Variants in ACSF3 observed in about 807,000 individuals in gnomAD.
ACSF3 encodes the protein acyl-CoA synthetase family member 3, also known as malonate--CoA ligase ACSF3, mitochondrial.
A neutral mutation model predicts 53.2 loss-of-function variants in ACSF3; 78 were observed. The observed-to-expected ratio is 1.47, with a 90% CI of 1.22 to 1.77. The LOEUF (loss-of-function observed/expected upper bound fraction) is 1.77. Ranked by LOEUF, ACSF3 falls within the 40% of genes most tolerant of loss-of-function variation. The pLI, the probability that ACSF3 is intolerant of heterozygous loss-of-function variation, is 0.00. For missense variants in ACSF3, 937 were observed against 771.1 expected, an observed-to-expected ratio of 1.22 and a Z score of -2.55; for synonymous variants, 414 against 333.1, an observed-to-expected ratio of 1.24 and a Z score of -2.65.
intron 7 of ACSF3, chr16:89,122,662 A>G: frequency 5.8e-6 from 1 of 172,698 alleles, no homozygotes; most frequent in Non-Finnish European, 1.3e-5. Context: ...TGGCGTGTGG[A>G]GGAGTGAGAC....
intron 4 of ACSF3, among the ~76,000 whole-genome samples, chr16:89,103,287 C>T (rs954264521): frequency 1.3e-5 from 2 of 152,204 alleles, no homozygotes; most frequent in African/African-American, 4.8e-5. Context: ...TAAAATAATG[C>T]GAGTTTGTTC....
chr16:89,145,443 G>C (rs375660693), intron 9 of ACSF3, 42 bp downstream of exon 9: 20 of 1,610,648 alleles, frequency 1.2e-5, no homozygotes, highest in Non-Finnish European at 1.5e-5. Context: ...GGCTAGACGG[G>C]TGCTGCCTTC....
chr16:89,124,854 A>G (rs149306044), intron 7 of ACSF3, among the ~76,000 whole-genome samples: 1 of 152,354 alleles, frequency 6.6e-6, no homozygotes, highest in Non-Finnish European at 1.5e-5. Flanking sequence ...CACTTTGCCA[A>G]AGATTAATTG....
intron 8 of ACSF3, chr16:89,141,216 G>A (rs752313784): frequency 1.2e-5 from 15 of 1,287,102 alleles, no homozygotes; most frequent in Non-Finnish European, 1.3e-5. Flanking sequence ...TGATAGCAGC[G>A]TCCCAGCCTG....
chr16:89,114,624 A>G, intron 6 of ACSF3, 137 bp downstream of exon 6: 1 of 1,299,886 alleles, frequency 7.7e-7, no homozygotes, highest in East Asian at 2.5e-5. Flanking sequence ...CCACTCGGCC[A>G]GGAGAGCACT....
chr16:89,137,234 C>T (rs955009704), intron 8 of ACSF3, among the ~76,000 whole-genome samples: 1 of 151,940 alleles, frequency 6.6e-6, no homozygotes, highest in Admixed American at 6.6e-5. Flanking sequence ...CCAGGGATCC[C>T]GGGAGGACCA....
chr16:89,114,874 G>A (rs1597957515), intron 6 of ACSF3: 1 of 353,758 alleles, frequency 2.8e-6, no homozygotes, highest in East Asian at 7.3e-5. Flanking sequence ...GAGTCCGGGT[G>A]CCACACAGCG....
chr16:89,100,860 T>G lies in ACSF3; in HGVS notation c.179T>G (p.Val60Gly), dbSNP rs780402535. 13 of 1,613,624 alleles carry G rather than the reference T, an allele frequency of 8.1e-6. No homozygotes were observed. Among genetic ancestry groups the G allele is most frequent in the South Asian group, 1.1e-5 (1 of 91,082 alleles). The stretch of plus-strand genomic sequence containing the variant: ...GCCTTTGGGGACAGAATCGCCCTGG[T>G]TGACCAGCACGGCCGCCACACGTAC... ...ALAFGDRIAL[V>G]DQHGRHTYRE... is the part of the protein sequence containing the mutation. The change falls in exon 3 of 11, where the codon GTT becomes GGT. Residue 60 changes from valine to glycine, a missense_variant. Coordinates refer to ENST00000614302, the MANE Select transcript of ACSF3 (RefSeq NM_001243279.3).
intron 7 of ACSF3, among the ~76,000 whole-genome samples, chr16:89,126,943 C>G (rs893018284): frequency 6.6e-6 from 1 of 152,118 alleles, no homozygotes; most frequent in African/African-American, 2.4e-5. Context: ...TGTGCTTAGA[C>G]TTTTTATCAC....
rs575745336 is a variant in ACSF3, at chr16:89,119,018, G to A, written c.1127-1783G>A. Among the ~76,000 whole-genome samples the A allele has an allele frequency of 7.9e-5, 12 of 152,228 alleles. 1 individual carries two copies. The highest frequency in any genetic ancestry group is 4.1e-4 in the South Asian group (2 of 4,824). ...GGGGACCCCTCCCTCGAGCTCTCACGGGTGGCACCTGGAGTGTGGGGGCCC... is the reference window on the plus strand; with the variant it reads ...GGGGACCCCTCCCTCGAGCTCTCACAGGTGGCACCTGGAGTGTGGGGGCCC... On this transcript the variant is annotated intron_variant, in intron 6 of 10. Transcript: ENST00000614302.
chr16:89,129,530 C>T (rs117343661), intron 7 of ACSF3, among the ~76,000 whole-genome samples: 1 of 152,306 alleles, frequency 6.6e-6, no homozygotes, highest in Non-Finnish European at 1.5e-5. Flanking sequence ...TTCTTATACA[C>T]AGCATACAGT....
chr16:89,127,789 C>T (rs1908447510), intron 7 of ACSF3, among the ~76,000 whole-genome samples: 1 of 152,124 alleles, frequency 6.6e-6, no homozygotes, highest in Admixed American at 6.5e-5. Context: ...GGAATTGGTT[C>T]ATTTAATCTG....
chr16:89,098,005 C>T (rs1245322351), intron 1 of ACSF3, among the ~76,000 whole-genome samples: 1 of 151,810 alleles, frequency 6.6e-6, no homozygotes, highest in East Asian at 1.9e-4. Context: ...ACCTGGGAGG[C>T]GGAGCTTGCA....
At chr16:89,094,753 G>A (rs1461480195) in intron 1 of ACSF3, among the ~76,000 whole-genome samples, 2 of 152,136 alleles carry the variant, frequency 1.3e-5, no homozygotes, top group African/African-American at 4.8e-5. Flanking sequence ...AAATTAGCTG[G>A]GTGTGGTGGC....
At chr16:89,126,743 C>T (rs1258311722) in intron 7 of ACSF3, among the ~76,000 whole-genome samples, 9 of 152,232 alleles carry the variant, frequency 5.9e-5, no homozygotes, top group Non-Finnish European at 1.0e-4. Flanking sequence ...ATCATGTTTT[C>T]TGCAAATACA....
intron 6 of ACSF3, among the ~76,000 whole-genome samples, chr16:89,118,374 C>G (rs1161225687): frequency 6.7e-6 from 1 of 149,826 alleles, no homozygotes; most frequent in Non-Finnish European, 1.5e-5. Flanking sequence ...TCCAATATGC[C>G]CCACAAAAAC....
chr16:89,102,463 G>A, intron 3 of ACSF3, 141 bp from the exon 4 acceptor site: 1 of 947,094 alleles, frequency 1.1e-6, no homozygotes, highest in Admixed American at 2.0e-5. Context: ...CTGCTAAAGG[G>A]GAGCAACAAA....
Position 89,100,533 on chromosome 16 carries a change from C to T in ACSF3, c.-20-129C>T, listed in dbSNP as rs7195892. The T allele has an allele frequency of 0.69, 615,856 of 892,160 alleles. 216,453 individuals carry two copies. The highest frequency in any genetic ancestry group is 0.77 in the Admixed American group (28,410 of 36,820). 55.3% of individuals were successfully genotyped at this position (892,160 alleles called of 1,614,324 possible). A position where few individuals can be genotyped will look rare whatever the true frequency, so the allele number is the denominator to read the frequency against. On this transcript the variant is annotated intron_variant, in intron 2 of 10. Transcript: ENST00000614302. ...AAGGCTGGACGTGGCCTGTCTGGTG[C>T]GCTGCCTCATGACTGAAGGTGCAGC... is the stretch of plus-strand genomic sequence containing the variant.
intron 8 of ACSF3, among the ~76,000 whole-genome samples, chr16:89,141,950 G>A (rs138535959): frequency 1.3e-5 from 2 of 152,334 alleles, no homozygotes; most frequent in African/African-American, 4.8e-5. Context: ...TCTCAGTCCT[G>A]CACTGATTGG....
Sources: allele counts gnomAD v4.1 joint callset (sites outside exome capture counted in the v4.1 genomes callset), GRCh38; gene constraint gnomAD v4.1.1; transcripts MANE v1.5; gene names NCBI Gene and HGNC (gene_info 2026-07-23, HGNC 2026-07-21).